The following KCNN3 variants were observed in gnomAD, a reference collection of about 807,000 sequenced individuals.
KCNN3 encodes small conductance calcium-activated potassium channel protein 3.
A neutral mutation model predicts 62.9 loss-of-function variants in KCNN3; 16 were observed. The observed-to-expected ratio is 0.25, with a 90% CI of 0.17 to 0.39. The LOEUF (loss-of-function observed/expected upper bound fraction) is 0.39. KCNN3 is among the 10% of genes least tolerant of loss of function. The probability of loss-of-function intolerance (pLI) is 1.00; values close to 1 mark genes in which losing one functional copy is unlikely to be tolerated. For missense variants in KCNN3, 599 were observed against 949.4 expected (o/e 0.63, Z 4.85); for synonymous variants, 370 against 389.2 (o/e 0.95, Z 0.58).
intron 1 of KCNN3, among the ~76,000 whole-genome samples, chr1:154,837,982 C>G (rs1475719261): frequency 6.6e-6 from 1 of 152,160 alleles, no homozygotes; most frequent in Non-Finnish European, 1.5e-5. Flanking sequence ...AGAGGAGAAG[C>G]CAGGCAGGCC....
chr1:154,711,782 A>T (rs905965847), intron 7 of KCNN3, among the ~76,000 whole-genome samples: 22 of 152,192 alleles, frequency 1.4e-4, no homozygotes, highest in African/African-American at 5.3e-4. Flanking sequence ...TAGAATTAAG[A>T]CTAGTAGGGG....
chr1:154,832,171 G>C (rs1651400582), intron 1 of KCNN3, among the ~76,000 whole-genome samples: 1 of 151,824 alleles, frequency 6.6e-6, no homozygotes, highest in Non-Finnish European at 1.5e-5. Context: ...CTTAGTCACT[G>C]TTTCCTTCTC....
chr1:154,856,363 G>A (rs143320983), intron 1 of KCNN3, among the ~76,000 whole-genome samples: 222 of 152,256 alleles, frequency 1.5e-3, no homozygotes, highest in African/African-American at 5.2e-3. Context: ...AACGCCCCCC[G>A]CAGCCCACCC....
chr1:154,757,397 T>C (rs1280356167), intron 3 of KCNN3, among the ~76,000 whole-genome samples: 1 of 152,204 alleles, frequency 6.6e-6, no homozygotes, highest in East Asian at 1.9e-4. Context: ...GTGGCTCTTA[T>C]CTGGTAGTGG....
At chr1:154,723,463 G>A (rs1243324962) in intron 5 of KCNN3, among the ~76,000 whole-genome samples, 2 of 152,204 alleles carry the variant, frequency 1.3e-5, no homozygotes, top group African/African-American at 4.8e-5. Context: ...GTGGAATTGA[G>A]GAGGATGTTA....
intron 2 of KCNN3, among the ~76,000 whole-genome samples, chr1:154,786,232 A>G (rs557796632): frequency 4.8e-4 from 73 of 152,254 alleles, no homozygotes; most frequent in Non-Finnish European, 6.9e-4. Context: ...TGTCAAAACT[A>G]TATCAATGTG....
chr1:154,724,992 G>A (rs1383903412), intron 5 of KCNN3, among the ~76,000 whole-genome samples: 2 of 152,010 alleles, frequency 1.3e-5, no homozygotes, highest in African/African-American at 4.8e-5. Context: ...GAGTAGCTGG[G>A]ATTACAGGTG....
rs73005430 is a variant in KCNN3 at position 154,749,742 on chromosome 1, A to T, written c.1449-16598T>A. 4.1e-3 allele frequency among the ~76,000 whole-genome samples: 624 copies of T among 151,888 alleles called. 2 individuals are homozygous for T. Among genetic ancestry groups the T allele is most frequent in the African/African-American group, 0.014 (595 of 41,412 alleles). ...CAGAGACAATGGCTGGAAGGGGAGG[A>T]GTCTGAGGGCAAGGGCACCTGGGTG... On this transcript the variant is annotated intron_variant, in intron 3 of 7. Coordinates refer to ENST00000271915, the MANE Select transcript of KCNN3 (RefSeq NM_002249.6).
chr1:154,804,476 C>G (rs1427318768), intron 2 of KCNN3, among the ~76,000 whole-genome samples: 1 of 152,232 alleles, frequency 6.6e-6, no homozygotes, highest in Non-Finnish European at 1.5e-5. Context: ...CAAGTCAACA[C>G]TGTATTATAT....
intron 2 of KCNN3, among the ~76,000 whole-genome samples, chr1:154,795,769 G>A (rs1480120938): frequency 6.6e-6 from 1 of 152,230 alleles, no homozygotes; most frequent in Non-Finnish European, 1.5e-5. Context: ...AGGAGGAGCA[G>A]TACATGCAGA....
chr1:154,809,637 A>G lies in KCNN3; in HGVS notation c.1029+12452T>C, dbSNP rs1650318601. 6.6e-6 allele frequency among the ~76,000 whole-genome samples: 1 copy of G among 152,198 alleles called. No individual in the cohort carries two copies. The highest frequency in any genetic ancestry group is 1.5e-5 in the Non-Finnish European group (1 of 68,040). On this transcript the variant is annotated intron_variant, in intron 2 of 7. Coordinates refer to ENST00000271915, the MANE Select transcript of KCNN3 (RefSeq NM_002249.6). This position sits in a 1 kb window ranked among gnomAD's most constrained non-coding sequence, Gnocchi z 4.3. ...AGGGCAGGAAGCTGGGAGGCCCCCAAATACATGTTGCTGAGTGAGATGCTA... is the reference window on the plus strand; with the variant it reads ...AGGGCAGGAAGCTGGGAGGCCCCCAGATACATGTTGCTGAGTGAGATGCTA...
At chr1:154,825,121 G>T (rs1035875917) in intron 1 of KCNN3, among the ~76,000 whole-genome samples, 1 of 152,180 alleles carries the variant, frequency 6.6e-6, no homozygotes, top group Admixed American at 6.5e-5. Flanking sequence ...GCTTGAAATT[G>T]ATATGGTTCC....
Position 154,699,127 on chromosome 1 carries a change from C to T in KCNN3, c.*8849G>A, listed in dbSNP as rs1699799950. On this transcript the variant is annotated 3_prime_UTR_variant, in exon 8 of 8. Transcript: ENST00000271915. ...GTTTTCCAAAGGAAAAATGTTTCCTCTTTGGTGACCTGAGAAAGTTTACCG... is the reference window on the plus strand; with the variant it reads ...GTTTTCCAAAGGAAAAATGTTTCCTTTTTGGTGACCTGAGAAAGTTTACCG... The T allele has an allele frequency of 2.0e-5, 3 of 150,680 alleles. No individual in the cohort carries two copies. The highest frequency in any genetic ancestry group is 4.4e-5 in the Non-Finnish European group (3 of 67,852). The allele number at this position is 150,680 out of a possible 1,614,324, so 9.3% of individuals were successfully genotyped here. A position where few individuals can be genotyped will look rare whatever the true frequency, so the allele number is the denominator to read the frequency against.
intron 5 of KCNN3, among the ~76,000 whole-genome samples, chr1:154,716,924 G>T (rs1397614577): frequency 6.6e-6 from 1 of 152,198 alleles, no homozygotes; most frequent in Non-Finnish European, 1.5e-5. Context: ...GGGAGAGGAG[G>T]CAATTGGATG....
chr1:154,860,337 C>A (rs764348382), intron 1 of KCNN3, among the ~76,000 whole-genome samples: 7 of 152,188 alleles, frequency 4.6e-5, no homozygotes, highest in Admixed American at 1.3e-4. Flanking sequence ...CCTTTTTCTG[C>A]CTGGTCATCG....
chr1:154,713,763 C>T (rs963432581), intron 6 of KCNN3, among the ~76,000 whole-genome samples: 9 of 151,956 alleles, frequency 5.9e-5, no homozygotes, highest in African/African-American at 2.2e-4. Flanking sequence ...TCTTGCTATT[C>T]CCAGATCATT....
chr1:154,728,944 A>G (rs1446631526), intron 4 of KCNN3, among the ~76,000 whole-genome samples: 1 of 152,178 alleles, frequency 6.6e-6, no homozygotes, highest in Non-Finnish European at 1.5e-5. Context: ...GTCCATCTTC[A>G]AGTGGTATAA....
At chr1:154,830,770 A>G (rs1651349154) in intron 1 of KCNN3, among the ~76,000 whole-genome samples, 1 of 152,206 alleles carries the variant, frequency 6.6e-6, no homozygotes, top group Non-Finnish European at 1.5e-5. Flanking sequence ...TGAAGCCAGC[A>G]TGATGACCAG....
At chr1:154,796,162 T>G (rs1316166585) in intron 2 of KCNN3, among the ~76,000 whole-genome samples, 3 of 152,134 alleles carry the variant, frequency 2.0e-5, no homozygotes, top group African/African-American at 7.2e-5. Context: ...AATCGAAAGG[T>G]AATTTATGCC....
Sources: gnomAD v4.1 joint callset for allele counts (sites outside exome capture counted in the v4.1 genomes callset) on GRCh38, gnomAD v4.1.1 for gene constraint, Gnocchi (gnomAD v3.1) non-coding constraint, MANE v1.5 for transcripts, NCBI Gene and HGNC (gene_info 2026-07-23, HGNC 2026-07-21) for gene names.